The following EPN2 variants were observed in gnomAD, a reference collection of about 807,000 sequenced individuals.
The protein encoded by EPN2 is epsin 2.
In EPN2, 34 loss-of-function variants were observed where a neutral mutation model predicts 61.7. The ratio of observed to expected loss-of-function variants is 0.55; its 90% confidence interval spans 0.42 to 0.73. EPN2 has a LOEUF of 0.73. Ranked by LOEUF, EPN2 falls within the 30% of genes least tolerant of loss-of-function variation. The probability of loss-of-function intolerance (pLI) is 0.00; values close to 1 mark genes in which losing one functional copy is unlikely to be tolerated. For synonymous variants in EPN2, 349 were observed against 353.6 expected (o/e 0.99, Z 0.15); for missense variants, 714 against 839.2 (o/e 0.85, Z 1.84).
Position 19,267,561 on chromosome 17 carries a change from A to C in EPN2, c.-293-14394A>C, listed in dbSNP as rs533183490. Among the ~76,000 whole-genome samples, 113 of 151,982 alleles carry C rather than the reference A, an allele frequency of 7.4e-4. 2 individuals are homozygous for C. The East Asian group carries it at 0.017, about 22-fold the overall frequency. ...GCAGCTTTTTTTTTTTTTTTAAAAA[A>C]AGACAGAGTTCCACTCTGTCGCCCA... On this transcript the variant is annotated intron_variant, in intron 1 of 10. Coordinates refer to ENST00000314728, the MANE Select transcript of EPN2 (RefSeq NM_014964.5).
intron 6 of EPN2, among the ~76,000 whole-genome samples, 159 bp downstream of exon 6, chr17:19,312,303 C>T (rs1189262333): frequency 6.6e-6 from 1 of 152,216 alleles, no homozygotes; most frequent in Non-Finnish European, 1.5e-5. Flanking sequence ...GGTGAGCAAG[C>T]GACTGAAAAC....
chr17:19,246,165 C>G (rs2044946194), intron 1 of EPN2, among the ~76,000 whole-genome samples: 1 of 152,054 alleles, frequency 6.6e-6, no homozygotes, highest in South Asian at 2.1e-4. Context: ...TCAAGACCAT[C>G]CTGGCCAAAT....
chr17:19,256,355 A>C (rs1232882935), intron 1 of EPN2, among the ~76,000 whole-genome samples: 1 of 133,600 alleles, frequency 7.5e-6, no homozygotes, highest in East Asian at 2.5e-4. Flanking sequence ...GGAGGCTGAG[A>C]GGGGAGAATT....
chr17:19,316,937 C>G (rs866091061), intron 7 of EPN2, among the ~76,000 whole-genome samples: 2 of 152,342 alleles, frequency 1.3e-5, no homozygotes, highest in Middle Eastern at 3.4e-3. Context: ...TTCACTGAAG[C>G]GTGTTAGCAC....
rs1032839144 is a variant in EPN2 at position 19,252,722 on chromosome 17, G to A, written c.-294+15191G>A. Among the ~76,000 whole-genome samples, 3 of 152,176 alleles carry A rather than the reference G, an allele frequency of 2.0e-5. 1 individual carries two copies. The South Asian group carries it at 6.2e-4, about 31-fold the overall frequency. On this transcript the variant is annotated intron_variant, in intron 1 of 10. Coordinates refer to ENST00000314728, the MANE Select transcript of EPN2 (RefSeq NM_014964.5). ...GATTGATTGACTGAGATAGGGTCTT[G>A]CTCTGGCCCCAGATTGGAGTACAGT... is the stretch of plus-strand genomic sequence containing the variant.
At chr17:19,243,553 C>G (rs1009085767) in intron 1 of EPN2, among the ~76,000 whole-genome samples, 1 of 151,866 alleles carries the variant, frequency 6.6e-6, no homozygotes, top group Non-Finnish European at 1.5e-5. Flanking sequence ...CCACCACACC[C>G]GGCTAATTTT....
intron 4 of EPN2, among the ~76,000 whole-genome samples, chr17:19,298,666 A>G (rs533571872): frequency 2.6e-5 from 4 of 152,352 alleles, no homozygotes; most frequent in African/African-American, 9.6e-5. Context: ...TACCGAGCCC[A>G]GCAACACTTA....
At position 19,328,790 on chromosome 17, in the gene EPN2, C is replaced by G; in HGVS notation, c.1227C>G (p.Asp409Glu). Reference protein sequence around the residue: ...ATVQSVPKNSDPWAASQQPAS... With the variant: ...ATVQSVPKNSEPWAASQQPAS... ...TACAATCTGTCCCCAAGAACTCGGACCCCTGGGCAGCTTCACAGCAGCCTG... is the reference window on the plus strand; with the variant it reads ...TACAATCTGTCCCCAAGAACTCGGAGCCCTGGGCAGCTTCACAGCAGCCTG... The change falls in exon 8 of 11, where the codon GAC (aspartate) becomes GAG (glutamate). Residue 409 changes from aspartate (D) to glutamate (E), a missense_variant. This residue lies in a region of EPN2 where 410 missense variants were observed against 421.8 expected (regional missense o/e 0.97). Coordinates refer to ENST00000314728, the MANE Select transcript of EPN2 (RefSeq NM_014964.5). The G allele has an allele frequency of 6.2e-7, 1 of 1,613,666 alleles. No individual in the cohort carries two copies. Among genetic ancestry groups the G allele is most frequent in the Non-Finnish European group, 8.5e-7 (1 of 1,179,662 alleles).
intron 5 of EPN2, among the ~76,000 whole-genome samples, chr17:19,310,203 A>G (rs547365869): frequency 9.9e-5 from 15 of 152,240 alleles, no homozygotes; most frequent in Non-Finnish European, 5.9e-5. Context: ...GCAAAGTTAC[A>G]TTTAGGAAAG....
chr17:19,264,030 G>T (rs2045171009), intron 1 of EPN2, among the ~76,000 whole-genome samples: 1 of 152,190 alleles, frequency 6.6e-6, no homozygotes, highest in African/African-American at 2.4e-5. Context: ...TTTAGGAGCA[G>T]CTGGGCAGAT....
At chr17:19,321,818 C>G (rs1243035861) in intron 7 of EPN2, among the ~76,000 whole-genome samples, 2 of 152,192 alleles carry the variant, frequency 1.3e-5, no homozygotes, top group African/African-American at 4.8e-5. Context: ...GGCCCCAGGT[C>G]TCCCGTGTCC....
At chr17:19,288,838 A>G (rs1217274571) in intron 4 of EPN2, among the ~76,000 whole-genome samples, 1 of 152,200 alleles carries the variant, frequency 6.6e-6, no homozygotes, top group Non-Finnish European at 1.5e-5. Flanking sequence ...CTTGCAGACC[A>G]TGCACTCAGT....
At chr17:19,288,507 G>A (rs1356728377) in intron 4 of EPN2, among the ~76,000 whole-genome samples, 1 of 152,166 alleles carries the variant, frequency 6.6e-6, no homozygotes, top group African/African-American at 2.4e-5. Flanking sequence ...GGAGTGTGAG[G>A]GTGAGCCTTG....
intron 7 of EPN2, among the ~76,000 whole-genome samples, chr17:19,317,754 C>T (rs1371928017): frequency 1.3e-5 from 2 of 152,192 alleles, no homozygotes; most frequent in Non-Finnish European, 1.5e-5. Context: ...CTGCCGAGGA[C>T]GTGGAGAGGG....
Position 19,279,840 on chromosome 17 carries a change from CT to C in EPN2, c.-293-2101del, listed in dbSNP as rs749421925. On this transcript the variant is annotated intron_variant, in intron 1 of 10. Transcript: ENST00000314728. ...TCTTTTTTTTCTTTACTTTTCTTTTCTTTTTTTTTTTTTTGAGACAGGGTCT... is the reference window on the plus strand; with the variant it reads ...TCTTTTTTTTCTTTACTTTTCTTTTCTTTTTTTTTTTTTGAGACAGGGTCT... The C allele has an allele frequency of 5.6e-3, 713 of 126,202 alleles. 1 individual carries two copies. Among genetic ancestry groups the C allele is most frequent in the Middle Eastern group, 9.3e-3 (2 of 216 alleles). The allele number at this position is 126,202 out of a possible 1,614,324, so 7.8% of individuals were successfully genotyped here. A position where few individuals can be genotyped will look rare whatever the true frequency, so the allele number is the denominator to read the frequency against.
chr17:19,328,038 T>C (rs1230654298), intron 7 of EPN2, among the ~76,000 whole-genome samples: 1 of 152,248 alleles, frequency 6.6e-6, no homozygotes, highest in Non-Finnish European at 1.5e-5. Flanking sequence ...TTTTAGTTTT[T>C]TTGTGTGTGT....
intron 4 of EPN2, among the ~76,000 whole-genome samples, chr17:19,291,472 C>G (rs2045464553): frequency 9.1e-6 from 1 of 109,868 alleles, no homozygotes; most frequent in Admixed American, 1.4e-4. Context: ...GAGTCTCGCT[C>G]TTTCGCCCAG....
intron 1 of EPN2, among the ~76,000 whole-genome samples, chr17:19,251,059 A>T (rs1354654280): frequency 6.6e-6 from 1 of 152,140 alleles, no homozygotes; most frequent in Admixed American, 6.6e-5. Context: ...ACACTAGTAC[A>T]TTCTGATGCC....
chr17:19,320,204 C>T (rs542583258), intron 7 of EPN2, among the ~76,000 whole-genome samples: 1 of 152,344 alleles, frequency 6.6e-6, no homozygotes, highest in African/African-American at 2.4e-5. Flanking sequence ...ATGTGGTCAC[C>T]CCGTCCTCAG....
Sources: gnomAD v4.1 joint callset for allele counts (sites outside exome capture counted in the v4.1 genomes callset) on GRCh38, gnomAD v4.1.1 for gene constraint, gnomAD v4.1.1 regional missense constraint, MANE v1.5 for transcripts, NCBI Gene and HGNC (gene_info 2026-07-23, HGNC 2026-07-21) for gene names.